Variants in MTOR observed in about 807,000 individuals in gnomAD.
The protein encoded by MTOR is mechanistic target of rapamycin kinase.
Under a neutral mutation model 319.8 loss-of-function variants are expected in MTOR, and 70 were observed. That is an observed-to-expected ratio of 0.22 (90% CI 0.18 to 0.27). The LOEUF (loss-of-function observed/expected upper bound fraction) is 0.27, where lower values mean the gene tolerates loss of function less well. Ranked by LOEUF, MTOR falls within the 10% of genes least tolerant of loss-of-function variation. The pLI, the probability that MTOR is intolerant of heterozygous loss-of-function variation, is 1.00. For synonymous variants in MTOR, 1,183 were observed against 1,211.4 expected (o/e 0.98, Z 0.49); for missense variants, 1,890 against 3,274.4 (o/e 0.58, Z 10.32).
At chr1:11,254,245 T>G (rs182643852) in intron 5 of MTOR, among the ~76,000 whole-genome samples, 2 of 152,074 alleles carry the variant, frequency 1.3e-5, no homozygotes, top group African/African-American at 2.4e-5. Context: ...GTTCAAGTGA[T>G]TCTCCTGCCT....
intron 28 of MTOR, chr1:11,193,776 T>TA (rs757012351): frequency 6.2e-7 from 1 of 1,613,542 alleles, no homozygotes; most frequent in South Asian, 1.1e-5. Flanking sequence ...GAGATGGAGG[T>TA]AAGCACAAGG....
chr1:11,164,789 A>C lies in MTOR; in HGVS notation c.4329+2653T>G, dbSNP rs1644590818. On this transcript the variant is annotated intron_variant, in intron 29 of 57. Coordinates refer to ENST00000361445, the MANE Select transcript of MTOR (RefSeq NM_004958.4). The stretch of plus-strand genomic sequence containing the variant: ...CCTGATACCAAAGCCTGGCAGAGAC[A>C]CAACAAAACAAGAGAATTTTAGACC... Among the ~76,000 whole-genome samples the C allele has an allele frequency of 2.0e-5, 3 of 152,216 alleles. No homozygotes were observed. The South Asian group carries it at 6.2e-4, about 31-fold the overall frequency.
Position 11,121,879 on chromosome 1 carries a change from A to G in MTOR, c.6810+100T>C. The G allele has an allele frequency of 6.8e-7, 1 of 1,465,470 alleles. No homozygotes were observed. The highest frequency in any genetic ancestry group is 2.2e-5 in the Admixed American group (1 of 46,232). The allele number at this position is 1,465,470 out of a possible 1,614,324, so 90.8% of individuals were successfully genotyped here. On this transcript the variant is annotated intron_variant, in intron 48 of 57. Transcript: ENST00000361445. This position sits in a 1 kb window ranked among gnomAD's most constrained non-coding sequence, Gnocchi z 4.9. ...CTTCAAAGCTGATTCTCTCAAAGAG[A>G]TTTTTCAGTGACAGACATACAGAGA... is the stretch of plus-strand genomic sequence containing the variant.
At chr1:11,152,167 C>T (rs1009909492) in intron 30 of MTOR, among the ~76,000 whole-genome samples, 1 of 152,204 alleles carries the variant, frequency 6.6e-6, no homozygotes, top group Non-Finnish European at 1.5e-5. Context: ...CGAGTCCTAC[C>T]TCTCAAGGGC....
rs1553119504 is a variant in MTOR, at chr1:11,210,916, G to GAGGGGGAAGAGATGAGAAACT, written c.3562-31_3562-11dup. 1 of 1,555,948 alleles carries GAGGGGGAAGAGATGAGAAACT rather than the reference G, an allele frequency of 6.4e-7. No individual in the cohort carries two copies. Among genetic ancestry groups the GAGGGGGAAGAGATGAGAAACT allele is most frequent in the East Asian group, 2.2e-5 (1 of 44,596 alleles). On this transcript the variant is annotated splice_polypyrimidine_tract_variant and intron_variant, in intron 23 of 57. Coordinates refer to ENST00000361445, the MANE Select transcript of MTOR (RefSeq NM_004958.4). ...GAATGAAAATTTGGTACTAAAACAGGAGGGGGAAGAGATGAGAAACTATCA... is the reference window on the plus strand; with the variant it reads ...GAATGAAAATTTGGTACTAAAACAGGAGGGGGAAGAGATGAGAAACTAGGGGGAAGAGATGAGAAACTATCA...
At chr1:11,237,200 A>C (rs192387953) in intron 13 of MTOR, among the ~76,000 whole-genome samples, 1 of 152,192 alleles carries the variant, frequency 6.6e-6, no homozygotes, top group Non-Finnish European at 1.5e-5. Flanking sequence ...ACCAGGCAGG[A>C]CTGGTGTATT....
rs1641614884 is a variant in MTOR, at chr1:11,107,086, G to T, written c.*399C>A. The stretch of plus-strand genomic sequence containing the variant: ...GTTCTCCACGACCTGAGGCTTCTTG[G>T]CTGTGCTGAGTTTGCTGTACCCATG... On this transcript the variant is annotated 3_prime_UTR_variant, in exon 58 of 58. Transcript: ENST00000361445. 4 of 1,373,654 alleles carry T rather than the reference G, an allele frequency of 2.9e-6. No individual in the cohort carries two copies. The South Asian group carries it at 4.9e-5, about 17-fold the overall frequency. 85.1% of individuals were successfully genotyped at this position (1,373,654 alleles called of 1,614,324 possible). A position where few individuals can be genotyped will look rare whatever the true frequency, so the allele number is the denominator to read the frequency against.
chr1:11,175,863 T>A (rs72871484), intron 28 of MTOR, among the ~76,000 whole-genome samples: 1 of 151,824 alleles, frequency 6.6e-6, no homozygotes, highest in Non-Finnish European at 1.5e-5. Context: ...CATGCCTCAG[T>A]CTCTCCAGTA....
At chr1:11,223,019 G>GT (rs112444998) in intron 19 of MTOR, among the ~76,000 whole-genome samples, 4,793 of 152,192 alleles carry the variant, frequency 0.031, 197 homozygotes, top group African/African-American at 0.074. Flanking sequence ...AATCTATGAA[G>GT]TATCTCTTGT....
intron 26 of MTOR, among the ~76,000 whole-genome samples, chr1:11,200,031 C>A (rs919594891): frequency 6.6e-6 from 1 of 152,080 alleles, no homozygotes; most frequent in Non-Finnish European, 1.5e-5. Context: ...AGTGGCAGGG[C>A]GGGGAGAAGA....
chr1:11,124,875 G>A (rs997073794), intron 46 of MTOR, among the ~76,000 whole-genome samples: 55 of 152,216 alleles, frequency 3.6e-4, no homozygotes, highest in Non-Finnish European at 4.4e-5. Flanking sequence ...GACCAGGAAC[G>A]GTTAGGCATG....
chr1:11,181,766 T>G (rs1645151776), intron 28 of MTOR, among the ~76,000 whole-genome samples: 1 of 152,214 alleles, frequency 6.6e-6, no homozygotes. Flanking sequence ...AACCTTCTCT[T>G]TGAAATTCAT....
intron 25 of MTOR, among the ~76,000 whole-genome samples, chr1:11,205,937 A>G (rs1646123265): frequency 6.6e-6 from 1 of 152,228 alleles, no homozygotes; most frequent in South Asian, 2.1e-4. Context: ...GGACTCAACC[A>G]TCACCTCCCT....
chr1:11,125,603 G>A (rs977391239), intron 46 of MTOR, among the ~76,000 whole-genome samples: 27 of 151,126 alleles, frequency 1.8e-4, no homozygotes, highest in African/African-American at 2.4e-5. Context: ...TGTGGCATGC[G>A]CCTGTAATCT....
intron 28 of MTOR, among the ~76,000 whole-genome samples, chr1:11,186,620 T>C (rs979275462): frequency 9.2e-5 from 14 of 152,236 alleles, no homozygotes; most frequent in Non-Finnish European, 1.8e-4. Context: ...CTCTGCTCAC[T>C]GAAAGGCAGA....
chr1:11,246,402 T>TG (rs2100934241), intron 8 of MTOR, among the ~76,000 whole-genome samples: 1 of 152,382 alleles, frequency 6.6e-6, no homozygotes, highest in East Asian at 1.9e-4. Context: ...GCAGCCTGTC[T>TG]GGTCATTAAA....
At chr1:11,225,832 A>C (rs1449701915) in intron 19 of MTOR, among the ~76,000 whole-genome samples, 1 of 152,238 alleles carries the variant, frequency 6.6e-6, no homozygotes, top group Non-Finnish European at 1.5e-5. Flanking sequence ...AAAATGTAAG[A>C]GAACAGTGTG....
At chr1:11,241,812 A>G in intron 9 of MTOR, 131 bp from the exon 10 acceptor site, 1 of 975,824 alleles carries the variant, frequency 1.0e-6, no homozygotes, top group Non-Finnish European at 1.5e-6. Context: ...CAAATTGTCC[A>G]GAGCACAGTT....
chr1:11,116,654 A>G (rs1196935080), intron 50 of MTOR, among the ~76,000 whole-genome samples: 3 of 152,194 alleles, frequency 2.0e-5, no homozygotes, highest in Non-Finnish European at 2.9e-5. Flanking sequence ...AGGAGAAAGT[A>G]GTATCCTTGA....
Sources: gnomAD v4.1 joint callset for allele counts (sites outside exome capture counted in the v4.1 genomes callset) on GRCh38, gnomAD v4.1.1 for gene constraint, Gnocchi (gnomAD v3.1) non-coding constraint, MANE v1.5 for transcripts, NCBI Gene and HGNC (gene_info 2026-07-23, HGNC 2026-07-21) for gene names.